KALRN: variants seen among roughly 807,000 people sequenced by gnomAD.
KALRN encodes kalirin.
A neutral mutation model predicts 353.7 loss-of-function variants in KALRN; 70 were observed. That is an observed-to-expected ratio of 0.20 (90% CI 0.16 to 0.24). KALRN has a LOEUF of 0.24. KALRN is among the 10% of genes least tolerant of loss of function. The pLI is 1.00. For missense variants in KALRN, 2,791 were observed against 3,756.7 expected, an observed-to-expected ratio of 0.74 and a Z score of 6.72; for synonymous variants, 1,391 against 1,434.8, an observed-to-expected ratio of 0.97 and a Z score of 0.69.
At chr3:124,360,876 G>C (rs932155955) in intron 10 of KALRN, among the ~76,000 whole-genome samples, 1 of 152,188 alleles carries the variant, frequency 6.6e-6, no homozygotes, top group Admixed American at 6.5e-5. Context: ...TGATGAATTT[G>C]CATATAGGAG....
chr3:124,675,556 G>A (rs1388075220), intron 49 of KALRN: 1 of 128,718 alleles, frequency 7.8e-6, no homozygotes, highest in South Asian at 2.3e-4. Flanking sequence ...TGTATTTTAG[G>A]ATTTGGGTGA....
At chr3:124,653,733 A>C (rs1391945001) in intron 38 of KALRN, among the ~76,000 whole-genome samples, 4 of 152,246 alleles carry the variant, frequency 2.6e-5, no homozygotes, top group Non-Finnish European at 5.9e-5. Context: ...AAGTGGTTCT[A>C]ACCAGTAGCT....
intron 10 of KALRN, among the ~76,000 whole-genome samples, chr3:124,382,013 G>A (rs557462281): frequency 3.5e-4 from 53 of 152,300 alleles, no homozygotes; most frequent in African/African-American, 1.2e-3. Context: ...TAGAGGCAGG[G>A]TAATTTAATG....
At chr3:124,544,309 C>T (rs2069382068) in intron 33 of KALRN, among the ~76,000 whole-genome samples, 2 of 152,236 alleles carry the variant, frequency 1.3e-5, no homozygotes, top group South Asian at 4.1e-4. Flanking sequence ...GCCTGTAATC[C>T]CAGCACTATG....
rs200028786 is a variant in KALRN, at chr3:124,584,787, C to G, written c.5182+21698C>G. The G allele has an allele frequency of 4.4e-6, 7 of 1,579,742 alleles. No homozygotes were observed. The South Asian group carries it at 4.6e-5, about 10-fold the overall frequency. ...GCGCTCTCACCCCGGGCTGGCGCCCCGTGCCATGCGGGAGCGCTGGGGCGG... is the reference window on the plus strand; with the variant it reads ...GCGCTCTCACCCCGGGCTGGCGCCCGGTGCCATGCGGGAGCGCTGGGGCGG... On this transcript the variant is annotated intron_variant, in intron 34 of 59. Coordinates refer to ENST00000682506, the MANE Select transcript of KALRN (RefSeq NM_001388419.1).
At chr3:124,545,462 A>G (rs2069523096) in intron 33 of KALRN, among the ~76,000 whole-genome samples, 1 of 151,694 alleles carries the variant, frequency 6.6e-6, no homozygotes, top group Non-Finnish European at 1.5e-5. Flanking sequence ...CAAATCTTAT[A>G]TGCTGAGATT....
chr3:124,671,404 T>C (rs1237642052), intron 47 of KALRN, among the ~76,000 whole-genome samples: 1 of 152,218 alleles, frequency 6.6e-6, no homozygotes, highest in African/African-American at 2.4e-5. Flanking sequence ...AGCTCTTTGT[T>C]ATTACCACCA....
Position 124,671,845 on chromosome 3 carries a change from G to T in KALRN, c.6889G>T (p.Gly2297Cys), listed in dbSNP as rs140582792. 25 of 1,614,156 alleles carry T rather than the reference G, an allele frequency of 1.5e-5. No individual in the cohort carries two copies. In the East Asian group the frequency reaches 5.6e-4, roughly 36 times the overall value. Residue 2297 changes from glycine to cysteine, a missense_variant, in exon 48 of 60, where the codon GGC becomes TGC. By Grantham distance (159) the Gly-to-Cys change is radical. Coordinates refer to ENST00000682506, the MANE Select transcript of KALRN (RefSeq NM_001388419.1). ...LPPLKISTSN[G>C]SPGFEYHQPG... ...TCCCCTGAAGATATCTACCTCCAAT[G>T]GCAGTCCAGGGTTTGAATACCACCA...
chr3:124,281,810 C>T (rs2075370601), intron 5 of KALRN, among the ~76,000 whole-genome samples: 1 of 152,242 alleles, frequency 6.6e-6, no homozygotes, highest in Non-Finnish European at 1.5e-5. Flanking sequence ...TCTGTGTTGA[C>T]CAGAGATACT....
intron 31 of KALRN, 170 bp downstream of exon 31, chr3:124,491,594 A>G (rs1186800298): frequency 4.3e-6 from 2 of 461,542 alleles, no homozygotes; most frequent in Non-Finnish European, 7.6e-6. Context: ...ATGAAAGTAG[A>G]CCCAGAATCT....
At chr3:124,290,388 G>A (rs1007834054) in intron 5 of KALRN, among the ~76,000 whole-genome samples, 1 of 152,132 alleles carries the variant, frequency 6.6e-6, no homozygotes, top group East Asian at 1.9e-4. Flanking sequence ...GTTTCATCGT[G>A]GGTGTCAACT....
At chr3:124,038,406 A>G (rs1263061616) in intron 1 of KALRN, among the ~76,000 whole-genome samples, 1 of 152,160 alleles carries the variant, frequency 6.6e-6, no homozygotes, top group African/African-American at 2.4e-5. Flanking sequence ...TAGTATCCAG[A>G]AAAGGAATTT....
At chr3:124,077,531 C>T (rs1434130551) in intron 1 of KALRN, among the ~76,000 whole-genome samples, 1 of 152,154 alleles carries the variant, frequency 6.6e-6, no homozygotes, top group African/African-American at 2.4e-5. Flanking sequence ...CCGCATCCTT[C>T]CAGTCATTCA....
chr3:124,656,809 C>T (rs149450308), intron 39 of KALRN, among the ~76,000 whole-genome samples: 6 of 152,042 alleles, frequency 3.9e-5, no homozygotes, highest in South Asian at 2.1e-4. Flanking sequence ...TTTTAACTTA[C>T]GGAAAGTTAT....
intron 27 of KALRN, among the ~76,000 whole-genome samples, chr3:124,481,289 C>T (rs1300188572): frequency 6.6e-6 from 1 of 152,160 alleles, no homozygotes; most frequent in Non-Finnish European, 1.5e-5. Flanking sequence ...TCACTGCAGC[C>T]TTGACCTTCT....
At chr3:124,584,760 C>T in intron 34 of KALRN, 1 of 1,544,104 alleles carries the variant, frequency 6.5e-7, no homozygotes, top group Non-Finnish European at 8.7e-7. Flanking sequence ...TTCCTTCCCG[C>T]CGCGCTCTCA....
At chr3:124,584,648 C>G in intron 34 of KALRN, 13 of 1,411,844 alleles carry the variant, frequency 9.2e-6, no homozygotes, top group Non-Finnish European at 1.2e-5. Context: ...TCCCCGCTTC[C>G]CAAGGTGGCA....
intron 1 of KALRN, chr3:124,163,227 AGAGT>A (rs1171092944): frequency 9.8e-5 from 15 of 152,328 alleles, no homozygotes; most frequent in African/African-American, 3.4e-4. Flanking sequence ...GCAAGCCTGG[AGAGT>A]GAGTATGTTG....
intron 34 of KALRN, among the ~76,000 whole-genome samples, chr3:124,583,472 A>T (rs1012895300): frequency 6.6e-6 from 1 of 152,220 alleles, no homozygotes; most frequent in Non-Finnish European, 1.5e-5. Context: ...GGATAGGGAT[A>T]TAAGTAAAGG....
Sources: allele counts gnomAD v4.1 joint callset (sites outside exome capture counted in the v4.1 genomes callset), GRCh38; gene constraint gnomAD v4.1.1; transcripts MANE v1.5; gene names NCBI Gene and HGNC (gene_info 2026-07-23, HGNC 2026-07-21).